The following TTC7B variants were observed in gnomAD, a reference collection of about 807,000 sequenced individuals.
TTC7B encodes the protein tetratricopeptide repeat protein 7B.
In TTC7B, 28 loss-of-function variants were observed where a neutral mutation model predicts 106.8. The ratio of observed to expected loss-of-function variants is 0.26; its 90% confidence interval spans 0.19 to 0.36. The LOEUF is 0.36. Ranked by LOEUF, TTC7B falls within the 10% of genes least tolerant of loss-of-function variation. TTC7B has a pLI of 1.00. For missense variants in TTC7B, 862 were observed against 1,076.4 expected, an observed-to-expected ratio of 0.80 and a Z score of 2.79; for synonymous variants, 405 against 430.6, an observed-to-expected ratio of 0.94 and a Z score of 0.74.
At position 90,531,276 on chromosome 14, in the gene TTC7B, C is replaced by T. The variant is rs1290776441; in HGVS notation, c.*10092G>A. ...CTGCTTGCTTAAACAAACAAACAAA[C>T]AAACAAAAAAACAGCTGGGCACAGT... is the stretch of plus-strand genomic sequence containing the variant. On this transcript the variant is annotated 3_prime_UTR_variant, in exon 20 of 20. Transcript: ENST00000328459. The T allele has an allele frequency of 6.6e-6, 1 of 151,942 alleles. No homozygotes were observed. Among genetic ancestry groups the T allele is most frequent in the African/African-American group, 2.4e-5 (1 of 41,352 alleles). 9.4% of individuals were successfully genotyped at this position (151,942 alleles called of 1,614,324 possible).
chr14:90,701,431 A>G (rs1267760395), intron 5 of TTC7B, among the ~76,000 whole-genome samples: 1 of 151,876 alleles, frequency 6.6e-6, no homozygotes, highest in Non-Finnish European at 1.5e-5. Flanking sequence ...TGGAGTTCAT[A>G]CTTCAGGGGC....
intron 17 of TTC7B, among the ~76,000 whole-genome samples, chr14:90,594,720 C>A (rs370870614): frequency 6.6e-6 from 1 of 152,134 alleles, no homozygotes; most frequent in African/African-American, 2.4e-5. Flanking sequence ...AATGCGACTA[C>A]AAAATAAATG....
At chr14:90,790,088 G>C (rs894737133) in intron 1 of TTC7B, among the ~76,000 whole-genome samples, 17 of 151,938 alleles carry the variant, frequency 1.1e-4, no homozygotes, top group African/African-American at 3.9e-4. Flanking sequence ...TATCATATTG[G>C]ACAGCAATAT....
intron 5 of TTC7B, among the ~76,000 whole-genome samples, chr14:90,709,420 GC>G (rs1437077206): frequency 6.7e-6 from 1 of 150,252 alleles, no homozygotes; most frequent in Non-Finnish European, 1.5e-5. Context: ...ATCATTCTCA[GC>G]AAACTATCAC....
At chr14:90,613,855 G>A (rs145104576) in intron 16 of TTC7B, among the ~76,000 whole-genome samples, 113 of 152,364 alleles carry the variant, frequency 7.4e-4, no homozygotes, top group African/African-American at 2.5e-3. Context: ...GCCCACATGC[G>A]TAGATGCGCA....
intron 9 of TTC7B, among the ~76,000 whole-genome samples, chr14:90,672,671 A>G (rs1886677711): frequency 6.6e-6 from 1 of 152,202 alleles, no homozygotes; most frequent in Non-Finnish European, 1.5e-5. Flanking sequence ...GCCAATTAAC[A>G]TGCTTTGCAC....
In TTC7B at chr14:90,540,535, G is replaced by C. The variant is rs1324900881; in HGVS notation, c.*833C>G. On this transcript the variant is annotated 3_prime_UTR_variant, in exon 20 of 20. Coordinates refer to ENST00000328459, the MANE Select transcript of TTC7B (RefSeq NM_001010854.2). The stretch of plus-strand genomic sequence containing the variant: ...AGGTACAGACAGCTCCCCACCCCAG[G>C]AACTAAGCCTTTCTCAGGTCTTTGA... The C allele has an allele frequency of 1.3e-5, 2 of 153,764 alleles. No individual in the cohort carries two copies. The highest frequency in any genetic ancestry group is 2.9e-5 in the Non-Finnish European group (2 of 68,064). 9.5% of individuals were successfully genotyped at this position (153,764 alleles called of 1,614,324 possible).
rs1385894801 is a variant in TTC7B, at chr14:90,528,005, T to C, written c.*13363A>G. 6.6e-6 allele frequency: 1 copy of C among 152,028 alleles called. No individual in the cohort carries two copies. The highest frequency in any genetic ancestry group is 1.5e-5 in the Non-Finnish European group (1 of 68,002). 9.4% of individuals were successfully genotyped at this position (152,028 alleles called of 1,614,324 possible). On this transcript the variant is annotated 3_prime_UTR_variant, in exon 20 of 20. Transcript: ENST00000328459. ...GTCTTGATCCAGAGTAAAGGCTCCA[T>C]AGGCATTTATTGGTTGACAAGGTTG...
At chr14:90,652,763 A>C in intron 13 of TTC7B, 78 bp downstream of exon 13, 3 of 1,522,718 alleles carry the variant, frequency 2.0e-6, no homozygotes, top group African/African-American at 2.7e-5. Flanking sequence ...TAATCTTTAT[A>C]AATATCTCTT....
intron 5 of TTC7B, among the ~76,000 whole-genome samples, chr14:90,725,296 C>T (rs1263170605): frequency 6.6e-6 from 1 of 152,174 alleles, no homozygotes; most frequent in Non-Finnish European, 1.5e-5. Context: ...GGCGCCCTCA[C>T]CATGATCACC....
intron 4 of TTC7B, among the ~76,000 whole-genome samples, chr14:90,736,406 A>G (rs935918256): frequency 6.6e-6 from 1 of 152,060 alleles, no homozygotes; most frequent in Non-Finnish European, 1.5e-5. Flanking sequence ...CTCCGTCTCT[A>G]CTAAAAATAC....
At chr14:90,747,307 G>A (rs1889998163) in intron 3 of TTC7B, among the ~76,000 whole-genome samples, 1 of 152,208 alleles carries the variant, frequency 6.6e-6, no homozygotes, top group Non-Finnish European at 1.5e-5. Flanking sequence ...ACTGGGAGAA[G>A]AAAACCAGAA....
At chr14:90,552,764 C>A (rs1417100620) in intron 19 of TTC7B, among the ~76,000 whole-genome samples, 1 of 152,206 alleles carries the variant, frequency 6.6e-6, no homozygotes, top group Non-Finnish European at 1.5e-5. Flanking sequence ...GGGAGCCTGG[C>A]CCCCAGGCCG....
chr14:90,762,959 CT>C (rs1890548861), intron 3 of TTC7B, among the ~76,000 whole-genome samples: 1 of 152,208 alleles, frequency 6.6e-6, no homozygotes, highest in Non-Finnish European at 1.5e-5. Flanking sequence ...CCTTGGTGAA[CT>C]GTACCAAATA....
chr14:90,705,785 C>G (rs1176142692), intron 5 of TTC7B, among the ~76,000 whole-genome samples: 1 of 152,158 alleles, frequency 6.6e-6, no homozygotes, highest in Non-Finnish European at 1.5e-5. Context: ...GCCTTGTCCA[C>G]TTTTTTTCAC....
chr14:90,596,829 T>A (rs527363438), intron 17 of TTC7B, among the ~76,000 whole-genome samples: 1 of 152,092 alleles, frequency 6.6e-6, no homozygotes, highest in Admixed American at 6.5e-5. Context: ...GGTAAATGAG[T>A]GTGCAGGGAA....
intron 19 of TTC7B, among the ~76,000 whole-genome samples, chr14:90,548,371 G>A (rs906651529): frequency 3.3e-5 from 5 of 152,250 alleles, no homozygotes; most frequent in African/African-American, 9.6e-5. Context: ...AGGTGGGCAT[G>A]GGTGGCTTAA....
intron 19 of TTC7B, among the ~76,000 whole-genome samples, chr14:90,549,384 G>T (rs555376475): frequency 6.6e-6 from 1 of 152,218 alleles, no homozygotes; most frequent in Non-Finnish European, 1.5e-5. Flanking sequence ...CAGCCTCCTC[G>T]TGGTGGGGTG....
intron 7 of TTC7B, among the ~76,000 whole-genome samples, chr14:90,685,380 C>T (rs1292694950): frequency 6.6e-6 from 1 of 152,158 alleles, no homozygotes; most frequent in African/African-American, 2.4e-5. Flanking sequence ...AAGGGAACCT[C>T]CAAACAAGAA....
Sources: allele counts gnomAD v4.1 joint callset (sites outside exome capture counted in the v4.1 genomes callset), GRCh38; gene constraint gnomAD v4.1.1; transcripts MANE v1.5; gene names NCBI Gene and HGNC (gene_info 2026-07-23, HGNC 2026-07-21).